The following DEGS2 variants were observed in gnomAD, a reference collection of about 807,000 sequenced individuals.
The protein encoded by DEGS2 is sphingolipid delta(4)-desaturase/C4-monooxygenase DES2.
DEGS2 carries 19 observed loss-of-function variants against 23.8 expected under a neutral mutation model. That is an observed-to-expected ratio of 0.80 (90% CI 0.56 to 1.17). The LOEUF (loss-of-function observed/expected upper bound fraction) is 1.17. Ranked by LOEUF, DEGS2 falls within the 50% of genes most tolerant of loss-of-function variation. The pLI is 0.00. For synonymous variants in DEGS2, 218 were observed against 213.7 expected (o/e 1.02, Z -0.18); for missense variants, 390 against 459.5 (o/e 0.85, Z 1.38).
chr14:100,146,348 C>T lies in DEGS2; in HGVS notation c.*413G>A, dbSNP rs908805546. On this transcript the variant is annotated 3_prime_UTR_variant, in exon 3 of 3. Transcript: ENST00000305631. ...AGGCCTCAAGCTCCACTCATCGGGG[C>T]GGCCCAGCGCCCCATTCCCTGGGGC... The T allele has an allele frequency of 1.7e-4, 31 of 182,276 alleles. No individual in the cohort carries two copies. The highest frequency in any genetic ancestry group is 1.2e-3 in the East Asian group (7 of 5,702). The allele number at this position is 182,276 out of a possible 1,614,324, so 11.3% of individuals were successfully genotyped here. A position where few individuals can be genotyped will look rare whatever the true frequency, so the allele number is the denominator to read the frequency against.
At chr14:100,155,711 C>A (rs1191731633) in intron 1 of DEGS2, 1 of 152,228 alleles carries the variant, frequency 6.6e-6, no homozygotes, top group Non-Finnish European at 1.5e-5. Context: ...GAGCCTCAGC[C>A]CCGGCCTTTC....
chr14:100,161,741 C>T (rs1889748462), upstream of DEGS2, among the ~76,000 whole-genome samples: 1 of 152,198 alleles, frequency 6.6e-6, no homozygotes, highest in Non-Finnish European at 1.5e-5. Context: ...AAACTATCAT[C>T]ACAGTTTTTC....
intron 1 of DEGS2, among the ~76,000 whole-genome samples, chr14:100,158,501 G>A (rs1232359927): frequency 1.3e-5 from 2 of 152,206 alleles, no homozygotes; most frequent in African/African-American, 4.8e-5. Context: ...GGCGGGGGTC[G>A]CAGTGAGCCG....
intron 1 of DEGS2, among the ~76,000 whole-genome samples, chr14:100,152,766 G>A (rs1056328821): frequency 6.6e-6 from 1 of 152,112 alleles, no homozygotes; most frequent in Admixed American, 6.5e-5. Context: ...GACTCAGACT[G>A]AACCACGCTA....
chr14:100,147,665 C>G (rs1006804316), intron 2 of DEGS2, among the ~76,000 whole-genome samples: 2 of 147,314 alleles, frequency 1.4e-5, no homozygotes, highest in African/African-American at 2.5e-5. Context: ...CCTGCCCCCC[C>G]CCCCCAGGAT....
chr14:100,153,208 A>G (rs758690814), intron 1 of DEGS2, among the ~76,000 whole-genome samples: 4 of 152,132 alleles, frequency 2.6e-5, no homozygotes, highest in Non-Finnish European at 5.9e-5. Context: ...GTGAGCCGCA[A>G]TTGCACCACT....
chr14:100,149,219 C>T lies in DEGS2; in HGVS notation c.574G>A (p.Val192Met). ...ATGGCCAGGTCGGCCGCCAGCTGCA[C>T]CAGCGTGTTGAGCACCTCCATGCGG... ...VTRMEVLNTL[V>M]QLAADLAIFA... Residue 192 changes from valine (V) to methionine (M), a missense_variant, in exon 2 of 3, where the codon GTG (valine) becomes ATG (methionine). By Grantham distance (21) the Val-to-Met change is conservative (BLOSUM62 1). Transcript: ENST00000305631. 1.2e-6 allele frequency: 2 copies of T among 1,612,616 alleles called. No individual in the cohort carries two copies. Among genetic ancestry groups the T allele is most frequent in the South Asian group, 1.1e-5 (1 of 91,050 alleles).
chr14:100,148,828 C>G, intron 2 of DEGS2, 140 bp downstream of exon 2: 1 of 995,080 alleles, frequency 1.0e-6, no homozygotes, highest in Non-Finnish European at 1.5e-6. Context: ...GCCCTGGGGA[C>G]AAGTGCAAGT....
intron 1 of DEGS2, among the ~76,000 whole-genome samples, chr14:100,159,171 G>C (rs1889707638): frequency 6.6e-6 from 1 of 151,988 alleles, no homozygotes; most frequent in Admixed American, 6.5e-5. Flanking sequence ...AGCGCGTCCC[G>C]GGGCCGCCCC....
intron 2 of DEGS2, among the ~76,000 whole-genome samples, chr14:100,148,562 C>A (rs1416052656): frequency 1.3e-5 from 2 of 152,224 alleles, no homozygotes; most frequent in Non-Finnish European, 2.9e-5. Flanking sequence ...AAGGGCAAGG[C>A]CCACCCTGTC....
intron 1 of DEGS2, among the ~76,000 whole-genome samples, chr14:100,154,028 C>T (rs117875363): frequency 0.05 from 7,609 of 152,172 alleles, 266 homozygotes; most frequent in Non-Finnish European, 0.072. Context: ...CCATCAGCAC[C>T]GATCTAGTGC....
At chr14:100,155,489 A>C (rs971538369) in intron 1 of DEGS2, 4 of 152,292 alleles carry the variant, frequency 2.6e-5, no homozygotes, top group African/African-American at 7.2e-5. Flanking sequence ...AAAGTGTGGC[A>C]AGTGTCCAGC....
At chr14:100,150,231 C>CAAAG in intron 1 of DEGS2, among the ~76,000 whole-genome samples, 1 of 152,166 alleles carries the variant, frequency 6.6e-6, no homozygotes, top group East Asian at 1.9e-4. Context: ...AAGTCGCATG[C>CAAAG]AAAGTCCCCT....
intron 1 of DEGS2, among the ~76,000 whole-genome samples, chr14:100,157,566 A>G (rs1159624505): frequency 6.6e-6 from 1 of 152,192 alleles, no homozygotes; most frequent in Non-Finnish European, 1.5e-5. Context: ...GGAGTTCCAC[A>G]GCATACGGGA....
At chr14:100,149,766 T>G in intron 1 of DEGS2, 56 bp from the exon 2 acceptor site, 1 of 1,514,088 alleles carries the variant, frequency 6.6e-7, no homozygotes. Context: ...CACCCCGCCC[T>G]CCTCCGCTCC....
intron 2 of DEGS2, among the ~76,000 whole-genome samples, chr14:100,147,149 AACC>A (rs749976272): frequency 5.9e-5 from 9 of 152,234 alleles, no homozygotes; most frequent in East Asian, 1.9e-4. Flanking sequence ...CCTCCCTGCC[AACC>A]ACCACTTCCT....
chr14:100,149,362 A>G lies in DEGS2; in HGVS notation c.431T>C (p.Val144Ala). 1 of 1,607,418 alleles carries G rather than the reference A, an allele frequency of 6.2e-7. No homozygotes were observed. The highest frequency in any genetic ancestry group is 8.5e-7 in the Non-Finnish European group (1 of 1,176,410). Residue 144 changes from valine to alanine, a missense_variant, in exon 2 of 3, where the codon GTG becomes GCG. Val to Ala is a moderately conservative substitution (Grantham distance 64). Coordinates refer to ENST00000305631, the MANE Select transcript of DEGS2 (RefSeq NM_206918.3). ...YLGGDGLDVD[V>A]PTRLEGWFFC... ...GAACCAGCCCTCCAGACGCGTGGGC[A>G]CGTCCACGTCCAGCCCGTCGCCGCC...
chr14:100,149,051 G>A lies in DEGS2; in HGVS notation c.742C>T (p.Pro248Ser), dbSNP rs973809166. The A allele has an allele frequency of 1.2e-6, 2 of 1,612,800 alleles. No individual in the cohort carries two copies. The highest frequency in any genetic ancestry group is 1.7e-6 in the Non-Finnish European group (2 of 1,180,012). ...ACATTGAAGGTGATCCAGTTGAGAGGCCCATAGTAGGAGTAGGTCTCGTGG... is the reference window on the plus strand; with the variant it reads ...ACATTGAAGGTGATCCAGTTGAGAGACCCATAGTAGGAGTAGGTCTCGTGG... ...KGHETYSYYG[P>S]LNWITFNVGY... Residue 248 changes from proline to serine, a missense_variant, in exon 2 of 3, where the codon CCT becomes TCT. Physicochemically the swap from Pro to Ser is moderately conservative, Grantham distance 74. Coordinates refer to ENST00000305631, the MANE Select transcript of DEGS2 (RefSeq NM_206918.3).
At position 100,144,122 on chromosome 14, in the gene DEGS2, C is replaced by G; in HGVS notation, c.*2639G>C. The G allele has an allele frequency of 3.2e-6, 1 of 315,072 alleles. No homozygotes were observed. The highest frequency in any genetic ancestry group is 6.0e-6 in the Non-Finnish European group (1 of 167,020). The allele number at this position is 315,072 out of a possible 1,614,324, so 19.5% of individuals were successfully genotyped here. Reference sequence around the variant, plus strand: ...CAGCCGGCCCAGCGTGGCGCCACCACACACCGCAGAGCTGTCCAGGCACAG... The same window carrying G: ...CAGCCGGCCCAGCGTGGCGCCACCAGACACCGCAGAGCTGTCCAGGCACAG... On this transcript the variant is annotated 3_prime_UTR_variant, in exon 3 of 3. Transcript: ENST00000305631.
Sources: gnomAD v4.1 joint callset for allele counts (sites outside exome capture counted in the v4.1 genomes callset) on GRCh38, gnomAD v4.1.1 for gene constraint, MANE v1.5 for transcripts, NCBI Gene and HGNC (gene_info 2026-07-23, HGNC 2026-07-21) for gene names.